Variants in PSMD11 observed in about 807,000 individuals in gnomAD.
PSMD11 encodes the protein 26S proteasome non-ATPase regulatory subunit 11.
Under a neutral mutation model 62.3 loss-of-function variants are expected in PSMD11, and 5 were observed. That is an observed-to-expected ratio of 0.08 (90% CI 0.04 to 0.17). The LOEUF (loss-of-function observed/expected upper bound fraction) is 0.17, where lower values mean the gene tolerates loss of function less well. Among genes scored for constraint, PSMD11 ranks in the 10% least tolerant of loss-of-function variants. The pLI is 1.00. For missense variants in PSMD11, 310 were observed against 512.9 expected, an observed-to-expected ratio of 0.60 and a Z score of 3.82; for synonymous variants, 191 against 191.8, an observed-to-expected ratio of 1.00 and a Z score of 0.03.
At chr17:32,472,057 G>A (rs1441345893) in intron 6 of PSMD11, among the ~76,000 whole-genome samples, 2 of 151,982 alleles carry the variant, frequency 1.3e-5, no homozygotes, top group Non-Finnish European at 2.9e-5. Context: ...TTGTAGAGAT[G>A]GGGTTTCACC....
intron 10 of PSMD11, 31 bp from the exon 11 acceptor site, chr17:32,479,820 A>G (rs1277578185): frequency 1.2e-6 from 2 of 1,608,570 alleles, no homozygotes; most frequent in Admixed American, 3.3e-5. Context: ...TAAAACTTTC[A>G]GTGTTGGTGT....
intron 1 of PSMD11, chr17:32,445,527 G>A (rs1417826593): frequency 1.3e-5 from 2 of 152,238 alleles, no homozygotes; most frequent in African/African-American, 2.4e-5. Context: ...GCAGCTTTCT[G>A]TTGGGATTCA....
At chr17:32,460,978 A>C (rs1442689383) in intron 3 of PSMD11, among the ~76,000 whole-genome samples, 2 of 151,944 alleles carry the variant, frequency 1.3e-5, no homozygotes, top group Non-Finnish European at 2.9e-5. Context: ...ACTGAACCAG[A>C]CTCTTGCCAA....
At chr17:32,464,493 T>A in intron 4 of PSMD11, 28 bp from the exon 5 acceptor site, 1 of 1,555,092 alleles carries the variant, frequency 6.4e-7, no homozygotes, top group Non-Finnish European at 8.8e-7. Flanking sequence ...TTCCCCCCCC[T>A]TCAATCAATG....
intron 10 of PSMD11, 101 bp from the exon 11 acceptor site, chr17:32,479,750 A>G: frequency 7.1e-7 from 1 of 1,402,888 alleles, no homozygotes; most frequent in Non-Finnish European, 1.0e-6. Context: ...TTACATTAGA[A>G]TTTTGAGAAA....
Position 32,458,748 on chromosome 17 carries a change from C to A in PSMD11, c.318+4129C>A, listed in dbSNP as rs555154305. On this transcript the variant is annotated intron_variant, in intron 3 of 13. Coordinates refer to ENST00000261712, the MANE Select transcript of PSMD11 (RefSeq NM_002815.4). ...TTTACTTTCTTTACAGCTGTAATTA[C>A]TGGCCTTATTGCCTTATGCTTCAAA... 2.0e-5 allele frequency among the ~76,000 whole-genome samples: 3 copies of A among 152,182 alleles called. 1 individual carries two copies. In the South Asian group the frequency reaches 6.2e-4, roughly 31 times the overall value.
chr17:32,451,202 T>C (rs1907487829), intron 2 of PSMD11, among the ~76,000 whole-genome samples: 2 of 152,018 alleles, frequency 1.3e-5, no homozygotes, highest in Admixed American at 1.3e-4. Context: ...GTAAGAAGGA[T>C]AACACTCAGT....
At chr17:32,464,620 A>G (rs775834059) in intron 5 of PSMD11, 42 bp downstream of exon 5, 10 of 1,503,592 alleles carry the variant, frequency 6.7e-6, no homozygotes, top group Non-Finnish European at 9.2e-6. Flanking sequence ...AGCTAAATGA[A>G]TGTATTCTAA....
chr17:32,475,452 A>G (rs760637372), intron 8 of PSMD11, among the ~76,000 whole-genome samples: 13 of 151,874 alleles, frequency 8.6e-5, no homozygotes, highest in Non-Finnish European at 1.5e-4. Context: ...TTGCTTGATT[A>G]TCACTAGTAA....
At position 32,469,166 on chromosome 17, in the gene PSMD11, T is replaced by C. The variant is rs1428812289; in HGVS notation, c.616T>C (p.Leu206=). The C allele has an allele frequency of 6.2e-7, 1 of 1,613,826 alleles. No homozygotes were observed. Among genetic ancestry groups the C allele is most frequent in the African/African-American group, 1.3e-5 (1 of 74,898 alleles). The change falls in exon 6 of 14, where the codon TTG becomes CTG. Residue 206 remains leucine, a synonymous_variant. Transcript: ENST00000261712. ...TANAIYCPPK[L]QATLDMQSGI... is the part of the protein sequence containing the mutation. The stretch of plus-strand genomic sequence containing the variant: ...AAATGCCATCTACTGCCCCCCTAAA[T>C]TGCAGGCCACCTTGGACATGCAGTC...
chr17:32,478,022 T>C (rs543262713), intron 9 of PSMD11, among the ~76,000 whole-genome samples: 2 of 152,320 alleles, frequency 1.3e-5, no homozygotes, highest in South Asian at 2.1e-4. Flanking sequence ...TCTGCTCCTC[T>C]GTGGACAGAA....
At chr17:32,479,519 TA>T in intron 10 of PSMD11, 143 bp downstream of exon 10, 2 of 1,223,668 alleles carry the variant, frequency 1.6e-6, no homozygotes, top group Non-Finnish European at 1.1e-6. Flanking sequence ...CCTCTGTTGA[TA>T]AAATGAACAA....
At chr17:32,458,050 C>T (rs1166167863) in intron 3 of PSMD11, among the ~76,000 whole-genome samples, 2 of 152,220 alleles carry the variant, frequency 1.3e-5, no homozygotes, top group Non-Finnish European at 2.9e-5. Context: ...CTGCCGGCCT[C>T]AGCCTCCCAG....
At chr17:32,480,315 C>T (rs1908451212) in intron 12 of PSMD11, 118 bp downstream of exon 12, 2 of 1,468,130 alleles carry the variant, frequency 1.4e-6, no homozygotes, top group South Asian at 1.2e-5. Flanking sequence ...GGGGTCCTGG[C>T]CCCTCTTCCC....
chr17:32,457,391 C>T (rs2150831683), intron 3 of PSMD11, among the ~76,000 whole-genome samples: 1 of 152,134 alleles, frequency 6.6e-6, no homozygotes, highest in Non-Finnish European at 1.5e-5. Context: ...GCATGCACCA[C>T]CACACTCGGC....
At chr17:32,466,687 T>G (rs147038697) in intron 5 of PSMD11, among the ~76,000 whole-genome samples, 1 of 152,348 alleles carries the variant, frequency 6.6e-6, no homozygotes, top group East Asian at 1.9e-4. Context: ...CTGTGTCATG[T>G]GGTAACTGAT....
intron 6 of PSMD11, among the ~76,000 whole-genome samples, chr17:32,471,642 A>G (rs1908165043): frequency 1.3e-5 from 2 of 152,176 alleles, no homozygotes; most frequent in Admixed American, 1.3e-4. Context: ...GATGTCATGG[A>G]GGGTAAACAT....
chr17:32,469,412 T>C (rs1223757576), intron 6 of PSMD11, among the ~76,000 whole-genome samples: 2 of 152,196 alleles, frequency 1.3e-5, no homozygotes, highest in African/African-American at 4.8e-5. Context: ...GACCAGGCAA[T>C]CTGACTTTTA....
intron 3 of PSMD11, among the ~76,000 whole-genome samples, chr17:32,462,695 C>CT (rs949198832): frequency 2.0e-5 from 3 of 151,786 alleles, no homozygotes; most frequent in African/African-American, 7.3e-5. Context: ...CTTTTCTTTT[C>CT]TTTTTTTTGA....
Sources: gnomAD v4.1 joint callset for allele counts (sites outside exome capture counted in the v4.1 genomes callset) on GRCh38, gnomAD v4.1.1 for gene constraint, MANE v1.5 for transcripts, NCBI Gene and HGNC (gene_info 2026-07-23, HGNC 2026-07-21) for gene names.